MLLT3: variants seen among roughly 807,000 people sequenced by gnomAD.
MLLT3 encodes protein AF-9.
In MLLT3, 4 loss-of-function variants were observed where a neutral mutation model predicts 53.2. The ratio of observed to expected loss-of-function variants is 0.08; its 90% CI spans 0.04 to 0.17. The LOEUF is 0.17. Among genes scored for constraint, MLLT3 ranks in the 10% least tolerant of loss-of-function variants. The probability of loss-of-function intolerance (pLI) is 1.00; values close to 1 mark genes in which losing one functional copy is unlikely to be tolerated. For synonymous variants in MLLT3, 283 were observed against 230.6 expected (o/e 1.23, Z -2.06); for missense variants, 569 against 684.0 (o/e 0.83, Z 1.87).
intron 5 of MLLT3, among the ~76,000 whole-genome samples, chr9:20,389,172 T>C (rs1171753708): frequency 1.3e-5 from 2 of 152,192 alleles, no homozygotes; most frequent in Non-Finnish European, 2.9e-5. Context: ...CAATGGAATA[T>C]TACTCAGACA....
rs1821444769 is a variant in MLLT3 at position 20,366,133 on chromosome 9, G to A, written c.1126-389C>T. 2.0e-5 allele frequency among the ~76,000 whole-genome samples: 3 copies of A among 152,052 alleles called. No individual in the cohort carries two copies. In the South Asian group the frequency reaches 6.2e-4, roughly 32 times the overall value. On this transcript the variant is annotated intron_variant, in intron 5 of 10. Coordinates refer to ENST00000380338, the MANE Select transcript of MLLT3 (RefSeq NM_004529.4). The stretch of plus-strand genomic sequence containing the variant: ...GTTACATAGGTATACATGTGCCACG[G>A]TGGTTTACTGCACCCATCAACCCAT...
intron 5 of MLLT3, among the ~76,000 whole-genome samples, chr9:20,370,719 C>G (rs1563940165): frequency 6.6e-6 from 1 of 152,122 alleles, no homozygotes; most frequent in Non-Finnish European, 1.5e-5. Flanking sequence ...CCATGTTAGC[C>G]AGGCTGATCT....
intron 5 of MLLT3, among the ~76,000 whole-genome samples, chr9:20,401,649 T>C (rs551848561): frequency 6.6e-6 from 1 of 152,266 alleles, no homozygotes; most frequent in African/African-American, 2.4e-5. Context: ...AAAGACAAAA[T>C]GGTACCTACC....
chr9:20,585,526 T>A (rs183156031), intron 2 of MLLT3, among the ~76,000 whole-genome samples: 97 of 152,334 alleles, frequency 6.4e-4, no homozygotes, highest in Admixed American at 1.1e-3. Flanking sequence ...TGTGTCACTG[T>A]GCACTCCCAC....
chr9:20,455,563 C>T (rs1428564104), intron 3 of MLLT3, among the ~76,000 whole-genome samples: 2 of 152,108 alleles, frequency 1.3e-5, no homozygotes, highest in Admixed American at 6.5e-5. Flanking sequence ...AATGCTAATG[C>T]TATCCAAAGA....
chr9:20,387,184 GCTC>G, intron 5 of MLLT3, among the ~76,000 whole-genome samples: 1 of 152,310 alleles, frequency 6.6e-6, no homozygotes, highest in African/African-American at 2.4e-5. Flanking sequence ...CTATTCCAGA[GCTC>G]CTCAACTCTA....
Position 20,407,058 on chromosome 9 carries a change from T to A in MLLT3, c.1125+6663A>T, listed in dbSNP as rs149036649. ...CAAAAGAAAACAACCCTCTGTCTAC[T>A]CCTACCATTGCATTATCTTGTCTCC... On this transcript the variant is annotated intron_variant, in intron 5 of 10. Coordinates refer to ENST00000380338, the MANE Select transcript of MLLT3 (RefSeq NM_004529.4). Among the ~76,000 whole-genome samples the A allele has an allele frequency of 3.5e-3, 540 of 152,306 alleles. 3 individuals carry two copies. The highest frequency in any genetic ancestry group is 0.012 in the African/African-American group (512 of 41,572).
chr9:20,585,233 G>A (rs4977433), intron 2 of MLLT3, among the ~76,000 whole-genome samples: 61,473 of 151,932 alleles, frequency 0.4, 13,120 homozygotes, highest in Non-Finnish European at 0.49. Context: ...TCAAACAACC[G>A]GGGGGCAGGC....
In MLLT3 at chr9:20,413,904, T is replaced by C; in HGVS notation, c.942A>G (p.Pro314=). 3 of 1,613,764 alleles carry C rather than the reference T, an allele frequency of 1.9e-6. No homozygotes were observed. The highest frequency in any genetic ancestry group is 2.2e-5 in the East Asian group (1 of 44,888). ...EALFKSFSSA[P]PLILTCSADK... ...CAGCAGAACAAGTGAGTATCAGTGG[T>C]GGTGCGCTAGAAAAACTTTTAAATA... is the stretch of plus-strand genomic sequence containing the variant. Residue 314 remains proline (P), a synonymous_variant, in exon 5 of 11, where the codon CCA becomes CCG. Coordinates refer to ENST00000380338, the MANE Select transcript of MLLT3 (RefSeq NM_004529.4).
intron 2 of MLLT3, among the ~76,000 whole-genome samples, chr9:20,502,042 T>C (rs1398999554): frequency 6.5e-5 from 8 of 123,756 alleles, no homozygotes; most frequent in East Asian, 3.0e-4. Context: ...TATGGTGCCA[T>C]TGCACTCCAG....
chr9:20,394,214 G>C lies in MLLT3; in HGVS notation c.1125+19507C>G, dbSNP rs548521158. 2.2e-4 allele frequency among the ~76,000 whole-genome samples: 33 copies of C among 152,252 alleles called. No homozygotes were observed. In the South Asian group the frequency reaches 6.4e-3, roughly 30 times the overall value. ...ACCCAAAGAAAAAGGTCCAGGGTTGGGGGGAGCATTGAGGGACAGGTACCT... is the reference window on the plus strand; with the variant it reads ...ACCCAAAGAAAAAGGTCCAGGGTTGCGGGGAGCATTGAGGGACAGGTACCT... On this transcript the variant is annotated intron_variant, in intron 5 of 10. Coordinates refer to ENST00000380338, the MANE Select transcript of MLLT3 (RefSeq NM_004529.4).
intron 4 of MLLT3, among the ~76,000 whole-genome samples, chr9:20,446,545 T>C (rs1258142796): frequency 6.6e-6 from 1 of 152,154 alleles, no homozygotes; most frequent in Non-Finnish European, 1.5e-5. Flanking sequence ...ACGACCCTTA[T>C]CAGAAGCATG....
intron 5 of MLLT3, among the ~76,000 whole-genome samples, chr9:20,400,466 T>C (rs946993613): frequency 6.6e-6 from 1 of 152,200 alleles, no homozygotes; most frequent in African/African-American, 2.4e-5. Flanking sequence ...AAGACTTAAC[T>C]AATTACTTTA....
At chr9:20,483,725 C>T (rs1442089053) in intron 2 of MLLT3, among the ~76,000 whole-genome samples, 1 of 84,294 alleles carries the variant, frequency 1.2e-5, no homozygotes, top group African/African-American at 5.1e-5. Context: ...TTTTTTTTTC[C>T]GAGATGGAGT....
At chr9:20,521,977 G>A (rs1818074113) in intron 2 of MLLT3, among the ~76,000 whole-genome samples, 1 of 149,626 alleles carries the variant, frequency 6.7e-6, no homozygotes, top group Admixed American at 6.7e-5. Flanking sequence ...TATTAAAAGG[G>A]AAAATTATAA....
At chr9:20,385,446 C>T (rs1180954380) in intron 5 of MLLT3, among the ~76,000 whole-genome samples, 6 of 152,020 alleles carry the variant, frequency 3.9e-5, no homozygotes, top group African/African-American at 9.7e-5. Flanking sequence ...GATTATGGTG[C>T]TTTTTATTTT....
chr9:20,442,451 C>G (rs1037905716), intron 4 of MLLT3, among the ~76,000 whole-genome samples: 2 of 152,118 alleles, frequency 1.3e-5, no homozygotes, highest in African/African-American at 2.4e-5. Flanking sequence ...AGAGGAAAAC[C>G]TAACTGTATG....
intron 4 of MLLT3, among the ~76,000 whole-genome samples, chr9:20,416,261 T>C (rs543681371): frequency 1.3e-5 from 2 of 152,168 alleles, no homozygotes; most frequent in African/African-American, 4.8e-5. Context: ...AAATTTGCAA[T>C]CAGTATTCTA....
chr9:20,436,875 T>C (rs529980497), intron 4 of MLLT3, among the ~76,000 whole-genome samples: 3 of 152,300 alleles, frequency 2.0e-5, no homozygotes, highest in South Asian at 2.1e-4. Context: ...AAAGTGTTCA[T>C]GGGTTTTTCC....
Sources: gnomAD v4.1 joint callset for allele counts (sites outside exome capture counted in the v4.1 genomes callset) on GRCh38, gnomAD v4.1.1 for gene constraint, MANE v1.5 for transcripts, NCBI Gene and HGNC (gene_info 2026-07-23, HGNC 2026-07-21) for gene names.